Variants in GTF2IRD1 observed in about 807,000 individuals in gnomAD.
GTF2IRD1 encodes general transcription factor II-I repeat domain-containing protein 1.
A neutral mutation model predicts 113.2 loss-of-function variants in GTF2IRD1; 26 were observed. The ratio of observed to expected loss-of-function variants is 0.23; its 90% CI spans 0.17 to 0.32. GTF2IRD1 has a LOEUF of 0.32. Among genes scored for constraint, GTF2IRD1 ranks in the 10% least tolerant of loss-of-function variants. GTF2IRD1 has a pLI of 1.00. For missense variants in GTF2IRD1, 864 were observed against 1,280.8 expected, an observed-to-expected ratio of 0.67 and a Z score of 4.97; for synonymous variants, 484 against 529.1, an observed-to-expected ratio of 0.91 and a Z score of 1.17.
chr7:74,490,870 A>G (rs534838651), intron 1 of GTF2IRD1, among the ~76,000 whole-genome samples: 24 of 152,236 alleles, frequency 1.6e-4, no homozygotes, highest in Non-Finnish European at 2.9e-4. Context: ...TGAGCTTTGC[A>G]GAGGTCTGAG....
chr7:74,544,737 T>C lies in GTF2IRD1; in HGVS notation c.1619-18T>C, dbSNP rs1478905946. On this transcript the variant is annotated intron_variant, in intron 14 of 26. Transcript: ENST00000424337. ...AGATGATGAATGTGGCTTCCCGGCATCCTCTGTTCTCTTTTAGACAAAGGT... is the reference window on the plus strand; with the variant it reads ...AGATGATGAATGTGGCTTCCCGGCACCCTCTGTTCTCTTTTAGACAAAGGT... 2 of 1,612,808 alleles carry C rather than the reference T, an allele frequency of 1.2e-6. No homozygotes were observed. The highest frequency in any genetic ancestry group is 1.7e-5 in the Admixed American group (1 of 59,970).
At chr7:74,565,433 G>C (rs1800238810) in intron 22 of GTF2IRD1, among the ~76,000 whole-genome samples, 1 of 152,130 alleles carries the variant, frequency 6.6e-6, no homozygotes, top group Non-Finnish European at 1.5e-5. Context: ...GCTAAGGCAG[G>C]AGAATCACTT....
Position 74,534,042 on chromosome 7 carries a change from A to AG in GTF2IRD1, c.1275-1069dup, listed in dbSNP as rs1798134305. On this transcript the variant is annotated intron_variant, in intron 9 of 26. Transcript: ENST00000424337. ...AGACCCCAACTCAAAAAAAAAAAAA[A>AG]GGATCCCACGGTTCACCTTGTGCTG... Among the ~76,000 whole-genome samples, 6 of 151,142 alleles carry AG rather than the reference A, an allele frequency of 4.0e-5. 1 individual carries two copies. Among genetic ancestry groups the AG allele is most frequent in the Admixed American group, 4.0e-4 (6 of 15,174 alleles).
At chr7:74,493,406 C>T (rs781870644) in intron 1 of GTF2IRD1, among the ~76,000 whole-genome samples, 14 of 152,142 alleles carry the variant, frequency 9.2e-5, no homozygotes, top group Non-Finnish European at 1.6e-4. Flanking sequence ...CTACCGCGCC[C>T]GGCCATGACC....
At chr7:74,552,202 T>C (rs1554355227) in intron 17 of GTF2IRD1, among the ~76,000 whole-genome samples, 1 of 151,742 alleles carries the variant, frequency 6.6e-6, no homozygotes, top group Admixed American at 6.6e-5. Flanking sequence ...CTAGGCAACA[T>C]GGTGAGACCC....
At chr7:74,477,260 A>AG (rs1794469930) in intron 1 of GTF2IRD1, among the ~76,000 whole-genome samples, 1 of 151,942 alleles carries the variant, frequency 6.6e-6, no homozygotes, top group South Asian at 2.1e-4. Context: ...GCTACTCAAG[A>AG]GGCTGAGTCA....
chr7:74,477,464 G>A (rs906682169), intron 1 of GTF2IRD1, among the ~76,000 whole-genome samples: 22 of 151,338 alleles, frequency 1.5e-4, no homozygotes, highest in African/African-American at 5.1e-4. Flanking sequence ...TGAATGCTTT[G>A]GAGTAGGTCA....
intron 1 of GTF2IRD1, among the ~76,000 whole-genome samples, chr7:74,467,388 C>T (rs373074523): frequency 5.3e-5 from 8 of 152,182 alleles, no homozygotes; most frequent in East Asian, 1.9e-4. Flanking sequence ...CTCTCTGAGC[C>T]GAGTACAGCC....
chr7:74,503,372 C>G (rs1562809679), intron 1 of GTF2IRD1, among the ~76,000 whole-genome samples: 1 of 152,200 alleles, frequency 6.6e-6, no homozygotes, highest in African/African-American at 2.4e-5. Flanking sequence ...TATTCTCGGA[C>G]TGTAACCTGG....
At chr7:74,534,016 A>C (rs1166466426) in intron 9 of GTF2IRD1, among the ~76,000 whole-genome samples, 2 of 151,512 alleles carry the variant, frequency 1.3e-5, no homozygotes, top group Non-Finnish European at 3.0e-5. Flanking sequence ...GTGATAGAGC[A>C]AGACCCCAAC....
At chr7:74,463,152 G>A (rs542488534) in intron 1 of GTF2IRD1, among the ~76,000 whole-genome samples, 3 of 152,334 alleles carry the variant, frequency 2.0e-5, no homozygotes, top group African/African-American at 7.2e-5. Flanking sequence ...TGAAGCCACT[G>A]TTGCAGGCAG....
chr7:74,536,068 G>T (rs73135382), intron 10 of GTF2IRD1, 99 bp from the exon 11 acceptor site: 1 of 766,426 alleles, frequency 1.3e-6, no homozygotes, highest in East Asian at 2.6e-5. Context: ...CCCTATCCCC[G>T]GGATTCCCCC....
At chr7:74,464,955 G>A (rs1402189204) in intron 1 of GTF2IRD1, among the ~76,000 whole-genome samples, 1 of 152,170 alleles carries the variant, frequency 6.6e-6, no homozygotes, top group Non-Finnish European at 1.5e-5. Flanking sequence ...CAGGAAGGAA[G>A]GCCCTTGGGT....
intron 1 of GTF2IRD1, among the ~76,000 whole-genome samples, chr7:74,459,458 C>CA (rs1274325131): frequency 2.7e-4 from 37 of 139,210 alleles, no homozygotes; most frequent in Admixed American, 2.9e-4. Flanking sequence ...AACTCTGTCT[C>CA]AAAAAAAAAA....
chr7:74,490,545 C>T (rs948332998), intron 1 of GTF2IRD1, among the ~76,000 whole-genome samples: 1 of 146,004 alleles, frequency 6.8e-6, no homozygotes, highest in Non-Finnish European at 1.5e-5. Flanking sequence ...AAAGGATACC[C>T]CCCCCCCCGC....
intron 11 of GTF2IRD1, among the ~76,000 whole-genome samples, chr7:74,536,735 G>T (rs1798320052): frequency 6.6e-6 from 1 of 152,058 alleles, no homozygotes. Context: ...GAACCTGGGA[G>T]GGAGAGGTTG....
chr7:74,545,296 A>G (rs1261571815), intron 15 of GTF2IRD1, among the ~76,000 whole-genome samples: 1 of 152,072 alleles, frequency 6.6e-6, no homozygotes, highest in East Asian at 1.9e-4. Flanking sequence ...CTGGAATGGA[A>G]TGAGTGAGTG....
At chr7:74,557,969 A>T (rs1583881324) in intron 20 of GTF2IRD1, among the ~76,000 whole-genome samples, 1 of 152,096 alleles carries the variant, frequency 6.6e-6, no homozygotes, top group South Asian at 2.1e-4. Context: ...TTCAAGAACT[A>T]CACACAGAAT....
chr7:74,497,989 C>T (rs1346794960), intron 1 of GTF2IRD1, among the ~76,000 whole-genome samples: 1 of 152,120 alleles, frequency 6.6e-6, no homozygotes, highest in Non-Finnish European at 1.5e-5. Context: ...CAGGCATGAG[C>T]CACCGCGCCC....
Sources: allele counts gnomAD v4.1 joint callset (sites outside exome capture counted in the v4.1 genomes callset), GRCh38; gene constraint gnomAD v4.1.1; transcripts MANE v1.5; gene names NCBI Gene and HGNC (gene_info 2026-07-23, HGNC 2026-07-21).